DMD: variants seen among roughly 807,000 people sequenced by gnomAD.
The protein encoded by DMD is mutant dystrophin.
A neutral mutation model predicts 330.1 loss-of-function variants in DMD; 63 were observed. The ratio of observed to expected loss-of-function variants is 0.19; its 90% CI spans 0.16 to 0.24. The LOEUF (loss-of-function observed/expected upper bound fraction) is 0.24, where lower values mean the gene tolerates loss of function less well. DMD is among the 10% of genes least tolerant of loss of function. The pLI is 1.00. For synonymous variants in DMD, 1,223 were observed against 959.8 expected (o/e 1.27, Z -5.07); for missense variants, 3,344 against 2,684.1 (o/e 1.25, Z -5.43).
At chrX:32,183,465 C>T (rs1182694801) in intron 44 of DMD, among the ~76,000 whole-genome samples, 3 of 108,550 alleles carry the variant, frequency 2.8e-5, no homozygotes, top group African/African-American at 1.0e-4. Context: ...AAAGCTAATT[C>T]TCAAAATTAT....
chrX:32,586,118 CAA>C (rs1479593055), intron 13 of DMD, among the ~76,000 whole-genome samples: 1 of 110,875 alleles, frequency 9.0e-6, no homozygotes, highest in African/African-American at 3.3e-5. Flanking sequence ...AAAACATACT[CAA>C]AAGTTTTCTA....
At chrX:32,601,572 C>T (rs910951446) in intron 12 of DMD, among the ~76,000 whole-genome samples, 3 of 111,450 alleles carry the variant, frequency 2.7e-5, no homozygotes, top group African/African-American at 9.8e-5. Context: ...TTAATGTACT[C>T]CTACATATGG....
chrX:32,439,157 A>G (rs2098272183), intron 28 of DMD, among the ~76,000 whole-genome samples: 1 of 111,730 alleles, frequency 9.0e-6, no homozygotes, highest in Admixed American at 9.6e-5. Context: ...ACATATCTAT[A>G]AAATAAGTGA....
At position 32,645,016 on chromosome X, in the gene DMD, C is replaced by A. The variant is rs763144501; in HGVS notation, c.1097G>T (p.Gly366Val). ...LSAEDTLQAQ[G>V]EISNDVEVVK... ...CACTTCCACATCATTAGAAATCTCT[C>A]CTTGTGCTTGCAATGTGTCCTCAGC... Residue 366 changes from glycine to valine, a missense_variant, in exon 10 of 79, where the codon GGA (glycine) becomes GTA (valine). Transcript: ENST00000357033. The A allele has an allele frequency of 8.3e-7, 1 of 1,211,595 alleles. No homozygotes were observed. Among genetic ancestry groups the A allele is most frequent in the Admixed American group, 2.2e-5 (1 of 45,971 alleles).
intron 48 of DMD, among the ~76,000 whole-genome samples, chrX:31,871,627 G>A (rs1386144876): frequency 9.0e-6 from 1 of 110,622 alleles, no homozygotes; most frequent in Admixed American, 9.6e-5. Context: ...TTACATTTAG[G>A]ATTTGGAGCT....
intron 11 of DMD, among the ~76,000 whole-genome samples, chrX:32,635,826 CT>C (rs1409734121): frequency 1.8e-5 from 2 of 112,108 alleles, no homozygotes; most frequent in African/African-American, 6.5e-5. Flanking sequence ...AAGACTTCAG[CT>C]GTCACTGTTT....
At chrX:32,483,919 T>C (rs2042174317) in intron 21 of DMD, among the ~76,000 whole-genome samples, 1 of 109,303 alleles carries the variant, frequency 9.1e-6, no homozygotes, top group Non-Finnish European at 1.9e-5. Flanking sequence ...AAAAGCGTTG[T>C]GTATCACTAC....
At chrX:31,490,970 C>T (rs183199046) in intron 57 of DMD, among the ~76,000 whole-genome samples, 47 of 112,352 alleles carry the variant, frequency 4.2e-4, no homozygotes, top group African/African-American at 1.2e-3. Flanking sequence ...CAAGCCTTTT[C>T]ATTTGTCAAC....
intron 9 of DMD, among the ~76,000 whole-genome samples, chrX:32,692,642 C>T (rs961632310): frequency 1.8e-5 from 2 of 111,747 alleles, no homozygotes; most frequent in Admixed American, 1.9e-4. Flanking sequence ...CAAGATTGTT[C>T]CTCAGCAACC....
intron 62 of DMD, among the ~76,000 whole-genome samples, chrX:31,262,310 A>G (rs1157510354): frequency 8.9e-6 from 1 of 112,285 alleles, no homozygotes; most frequent in Admixed American, 9.4e-5. Context: ...TAATTAAGTC[A>G]ATCAAGGCGA....
intron 7 of DMD, among the ~76,000 whole-genome samples, chrX:32,789,706 A>T (rs1020025906): frequency 1.4e-4 from 16 of 111,288 alleles, no homozygotes; most frequent in African/African-American, 4.3e-4. Flanking sequence ...AGAAGGATAA[A>T]CTTACCTGGA....
rs193056159 is a variant in DMD at position 31,939,326 on chromosome X, G to A, written c.6615-7099C>T. On this transcript the variant is annotated intron_variant, in intron 45 of 78. Coordinates refer to ENST00000357033, the MANE Select transcript of DMD (RefSeq NM_004006.3). ...TTTTCCCTAAAGTTTGTGTCTTGTCGGAATGAAGTGCTCCTGAGGGGGATA... is the reference window on the plus strand; with the variant it reads ...TTTTCCCTAAAGTTTGTGTCTTGTCAGAATGAAGTGCTCCTGAGGGGGATA... Among the ~76,000 whole-genome samples, 69 of 111,756 alleles carry A rather than the reference G, an allele frequency of 6.2e-4. 1 individual carries two copies. The highest frequency in any genetic ancestry group is 5.9e-3 in the Admixed American group (62 of 10,471).
At chrX:31,676,646 G>C (rs1057081471) in intron 53 of DMD, among the ~76,000 whole-genome samples, 1 of 111,940 alleles carries the variant, frequency 8.9e-6, no homozygotes, top group Non-Finnish European at 1.9e-5. Flanking sequence ...ATCTACAAGA[G>C]TAATTGCTAT....
At chrX:32,588,355 T>G (rs2054520732) in intron 13 of DMD, among the ~76,000 whole-genome samples, 2 of 111,648 alleles carry the variant, frequency 1.8e-5, no homozygotes, top group South Asian at 3.8e-4. Context: ...TTGAAATGAG[T>G]TTTCTATACA....
chrX:33,314,587 T>TA (rs55639537), intron 1 of DMD, among the ~76,000 whole-genome samples: 103 of 99,221 alleles, frequency 1.0e-3, no homozygotes, highest in South Asian at 9.9e-3. Flanking sequence ...TTTTTTTTTT[T>TA]ATCTTTCTTA....
chrX:32,019,378 AT>A (rs1326569096), intron 44 of DMD, among the ~76,000 whole-genome samples: 1 of 111,673 alleles, frequency 9.0e-6, no homozygotes, highest in Non-Finnish European at 1.9e-5. Flanking sequence ...GAATTTTATA[AT>A]TTTTTCAATA....
chrX:32,526,537 T>A (rs916384198), intron 17 of DMD, among the ~76,000 whole-genome samples: 1 of 111,243 alleles, frequency 9.0e-6, no homozygotes, highest in African/African-American at 3.3e-5. Flanking sequence ...ATACCAAATA[T>A]TCAGAGAGTG....
At chrX:32,216,383 G>A (rs2097112383) in intron 44 of DMD, among the ~76,000 whole-genome samples, 1 of 111,615 alleles carries the variant, frequency 9.0e-6, no homozygotes, top group Non-Finnish European at 1.9e-5. Flanking sequence ...ACCATAAAAT[G>A]TCAATAAGTA....
At chrX:32,117,866 T>G (rs61439176) in intron 44 of DMD, among the ~76,000 whole-genome samples, 7,625 of 111,330 alleles carry the variant, frequency 0.068, 697 homozygotes, top group African/African-American at 0.24. Context: ...ACAAAGAGTA[T>G]GTGAACTTTC....
Sources: gnomAD v4.1 joint callset for allele counts (sites outside exome capture counted in the v4.1 genomes callset) on GRCh38, gnomAD v4.1.1 for gene constraint, MANE v1.5 for transcripts, NCBI Gene and HGNC (gene_info 2026-07-23, HGNC 2026-07-21) for gene names.